Variants in LRP1B observed in about 807,000 individuals in gnomAD.
The protein encoded by LRP1B is LDL receptor related protein 1B, also known as low-density lipoprotein receptor-related protein 1B.
LRP1B carries 217 observed loss-of-function variants against 556.6 expected under a neutral mutation model. The ratio of observed to expected loss-of-function variants is 0.39; its 90% CI spans 0.35 to 0.44. LRP1B has a LOEUF of 0.44. Ranked by LOEUF, LRP1B falls within the 20% of genes least tolerant of loss-of-function variation. LRP1B has a pLI of 1.00. For synonymous variants in LRP1B, 2,047 were observed against 1,865.8 expected, an observed-to-expected ratio of 1.10 and a Z score of -2.50; for missense variants, 5,053 against 5,620.8, an observed-to-expected ratio of 0.90 and a Z score of 3.23.
At chr2:140,324,862 G>T (rs1210977298) in intron 80 of LRP1B, among the ~76,000 whole-genome samples, 1 of 126,606 alleles carries the variant, frequency 7.9e-6, no homozygotes, top group African/African-American at 2.9e-5. Flanking sequence ...TAATTACAGG[G>T]ATCTGAACTT....
chr2:141,538,638 C>CT (rs35243335), intron 2 of LRP1B, among the ~76,000 whole-genome samples: 6,771 of 102,154 alleles, frequency 0.066, 167 homozygotes, highest in Admixed American at 0.085. Flanking sequence ...AAAAAAACTT[C>CT]TTTTTTTTTT....
At chr2:140,354,671 C>A (rs1682128845) in intron 75 of LRP1B, among the ~76,000 whole-genome samples, 2 of 151,964 alleles carry the variant, frequency 1.3e-5, no homozygotes, top group South Asian at 4.1e-4. Context: ...TGTCATTATA[C>A]TGGCCTGAAC....
intron 1 of LRP1B, among the ~76,000 whole-genome samples, chr2:142,068,819 T>C (rs1705202725): frequency 6.6e-6 from 1 of 151,568 alleles, no homozygotes. Context: ...CAAATTGAGT[T>C]AGTGGTCGGC....
chr2:141,665,116 TATTTA>T (rs1284362616), intron 2 of LRP1B, among the ~76,000 whole-genome samples: 1 of 152,168 alleles, frequency 6.6e-6, no homozygotes, highest in African/African-American at 2.4e-5. Context: ...AAGGATTCCC[TATTTA>T]ATAAATGGTG....
chr2:140,626,899 G>T (rs189293397), intron 41 of LRP1B, among the ~76,000 whole-genome samples: 1 of 152,206 alleles, frequency 6.6e-6, no homozygotes, highest in Non-Finnish European at 1.5e-5. Context: ...CCTTTAAACT[G>T]TTATGGTGTG....
chr2:141,103,647 C>T (rs1330607501), intron 7 of LRP1B, among the ~76,000 whole-genome samples: 6 of 150,082 alleles, frequency 4.0e-5, no homozygotes, highest in African/African-American at 1.5e-4. Flanking sequence ...ATTTTTGAAT[C>T]ACCAAGCTAA....
At chr2:141,786,900 A>G (rs965802812) in intron 2 of LRP1B, among the ~76,000 whole-genome samples, 1 of 151,950 alleles carries the variant, frequency 6.6e-6, no homozygotes, top group Non-Finnish European at 1.5e-5. Flanking sequence ...TGAGATGACT[A>G]TATAGTTTTT....
At chr2:141,981,157 C>A (rs749845426) in intron 1 of LRP1B, among the ~76,000 whole-genome samples, 2 of 151,994 alleles carry the variant, frequency 1.3e-5, no homozygotes, top group Non-Finnish European at 2.9e-5. Flanking sequence ...CATCTACTGC[C>A]CAGATCAGTT....
chr2:141,862,409 A>G (rs1375706552), intron 1 of LRP1B, among the ~76,000 whole-genome samples: 1 of 152,118 alleles, frequency 6.6e-6, no homozygotes, highest in Non-Finnish European at 1.5e-5. Flanking sequence ...AATATCAGCC[A>G]CTGAAATTAC....
intron 66 of LRP1B, among the ~76,000 whole-genome samples, chr2:140,422,952 G>C (rs1685509003): frequency 6.6e-6 from 1 of 152,182 alleles, no homozygotes; most frequent in Non-Finnish European, 1.5e-5. Context: ...GATGGTTAGT[G>C]ATCACTTTCC....
chr2:140,534,722 G>A (rs1293988831), intron 46 of LRP1B, among the ~76,000 whole-genome samples: 1 of 151,992 alleles, frequency 6.6e-6, no homozygotes. Flanking sequence ...TCTGATTTGG[G>A]GCAGAAGCTA....
At chr2:140,836,538 T>A (rs1041079834) in intron 31 of LRP1B, among the ~76,000 whole-genome samples, 2 of 152,224 alleles carry the variant, frequency 1.3e-5, no homozygotes, top group East Asian at 3.8e-4. Context: ...TTAATTTGGA[T>A]TGGCAAATCC....
chr2:141,660,097 G>C (rs1220169984), intron 2 of LRP1B, among the ~76,000 whole-genome samples: 1 of 151,936 alleles, frequency 6.6e-6, no homozygotes, highest in African/African-American at 2.4e-5. Flanking sequence ...AGGGAGAATG[G>C]AGAGTGAATC....
intron 3 of LRP1B, among the ~76,000 whole-genome samples, chr2:141,472,148 A>G (rs575626252): frequency 6.6e-6 from 1 of 152,374 alleles, no homozygotes; most frequent in Non-Finnish European, 1.5e-5. Context: ...GTAAATCTCC[A>G]TATCAAAGCA....
At chr2:141,906,544 T>C (rs998008950) in intron 1 of LRP1B, among the ~76,000 whole-genome samples, 6 of 152,042 alleles carry the variant, frequency 3.9e-5, no homozygotes, top group East Asian at 1.9e-4. Flanking sequence ...CAAATTTTAA[T>C]ACCTCTGAAG....
chr2:141,563,327 T>C (rs1686227014), intron 2 of LRP1B, among the ~76,000 whole-genome samples: 1 of 151,788 alleles, frequency 6.6e-6, no homozygotes. Context: ...AATATCTACA[T>C]AGAAGTGAGA....
At chr2:141,042,562 T>G (rs1436241027) in intron 11 of LRP1B, among the ~76,000 whole-genome samples, 4 of 152,118 alleles carry the variant, frequency 2.6e-5, no homozygotes, top group Non-Finnish European at 5.9e-5. Context: ...GCTTTCACAG[T>G]TCTTGACAAG....
intron 66 of LRP1B, among the ~76,000 whole-genome samples, chr2:140,409,603 A>T (rs1005894811): frequency 6.6e-6 from 1 of 151,704 alleles, no homozygotes; most frequent in Non-Finnish European, 1.5e-5. Context: ...ATCCTAGCTA[A>T]TTTTTTTTAG....
At chr2:140,671,154 C>A (rs1422062596) in intron 41 of LRP1B, among the ~76,000 whole-genome samples, 2 of 152,158 alleles carry the variant, frequency 1.3e-5, no homozygotes, top group African/African-American at 4.8e-5. Flanking sequence ...CAGAAGTCTA[C>A]AATCTGTATC....
Sources: allele counts gnomAD v4.1 joint callset (sites outside exome capture counted in the v4.1 genomes callset), GRCh38; gene constraint gnomAD v4.1.1; transcripts MANE v1.5; gene names NCBI Gene and HGNC (gene_info 2026-07-23, HGNC 2026-07-21).